The following BPTF variants were observed in gnomAD, a reference collection of about 807,000 sequenced individuals.
The protein encoded by BPTF is bromodomain PHD finger transcription factor, also known as nucleosome-remodeling factor subunit BPTF.
In BPTF, 18 loss-of-function variants were observed where a neutral mutation model predicts 292.5. The ratio of observed to expected loss-of-function variants is 0.06; its 90% CI spans 0.04 to 0.09. BPTF has a LOEUF of 0.09. Ranked by LOEUF, BPTF falls within the 10% of genes least tolerant of loss-of-function variation. The pLI, the probability that BPTF is intolerant of heterozygous loss-of-function variation, is 1.00. For synonymous variants in BPTF, 1,225 were observed against 1,251.9 expected (o/e 0.98, Z 0.45); for missense variants, 2,726 against 3,498.7 (o/e 0.78, Z 5.57).
rs1352751928 is a variant in BPTF at position 67,893,472 on chromosome 17, G to A, written c.2158G>A (p.Gly720Arg). 1.2e-6 allele frequency: 2 copies of A among 1,614,126 alleles called. No individual in the cohort carries two copies. The highest frequency in any genetic ancestry group is 2.2e-5 in the South Asian group (2 of 91,084). Residue 720 changes from glycine to arginine, a missense_variant, in exon 6 of 28, where the codon GGG (glycine) becomes AGG (arginine). Transcript: ENST00000306378. ...INNYFKLGQEGKYRVYHNQYS... is the reference protein window; with the variant it reads ...INNYFKLGQERKYRVYHNQYS... The stretch of plus-strand genomic sequence containing the variant: ...CAATTATTTTAAATTGGGTCAAGAA[G>A]GGAAGTATCGCGTCTACCACAATCA...
intron 9 of BPTF, 54 bp from the exon 10 acceptor site, chr17:67,909,528 A>G (rs2062504740): frequency 1.7e-6 from 2 of 1,154,780 alleles, no homozygotes; most frequent in Non-Finnish European, 2.4e-6. Flanking sequence ...TTGACATATT[A>G]AAGTGCTAAT....
chr17:67,942,260 G>A (rs868996181), intron 19 of BPTF, among the ~76,000 whole-genome samples: 3 of 151,736 alleles, frequency 2.0e-5, no homozygotes, highest in African/African-American at 4.8e-5. Flanking sequence ...AGGTTGCAGC[G>A]AGCCAAGATA....
intron 9 of BPTF, among the ~76,000 whole-genome samples, chr17:67,906,600 C>G (rs140449569): frequency 1.3e-5 from 2 of 152,184 alleles, no homozygotes; most frequent in Admixed American, 1.3e-4. Context: ...TTCTGTGATT[C>G]TTCTCTTACC....
intron 27 of BPTF, chr17:67,981,633 A>G: frequency 9.7e-7 from 1 of 1,027,510 alleles, no homozygotes; most frequent in Non-Finnish European, 1.2e-6. Context: ...CAATGTATTT[A>G]AAAATTGTAA....
chr17:67,872,764 G>T (rs1282419024), intron 3 of BPTF, among the ~76,000 whole-genome samples: 1 of 152,176 alleles, frequency 6.6e-6, no homozygotes, highest in African/African-American at 2.4e-5. Context: ...CAGATAATCG[G>T]TAACTACATT....
At position 67,982,280 on chromosome 17, in the gene BPTF, G is replaced by C; in HGVS notation, c.8755G>C (p.Ala2919Pro). Reference sequence around the variant, plus strand: ...TCATAACAACAAACTGCAGTCTACAGCTTCTTAAAGTTCAGCGTGTTAACC... The same window carrying C: ...TCATAACAACAAACTGCAGTCTACACCTTCTTAAAGTTCAGCGTGTTAACC... ...RSHNNKLQST[A>P]S Residue 2919 changes from alanine (A) to proline (P), a missense_variant, in exon 28 of 28, where the codon GCT becomes CCT. Ala to Pro is a conservative substitution (Grantham distance 27). This residue lies in a region of BPTF where 21 missense variants were observed against 16.1 expected (regional missense o/e 1.30). Coordinates refer to ENST00000306378, the MANE Select transcript of BPTF (RefSeq NM_182641.4). 2.5e-6 allele frequency: 4 copies of C among 1,611,420 alleles called. No homozygotes were observed. Among genetic ancestry groups the C allele is most frequent in the Non-Finnish European group, 3.4e-6 (4 of 1,178,124 alleles).
intron 18 of BPTF, among the ~76,000 whole-genome samples, chr17:67,936,097 A>G (rs1028059658): frequency 3.3e-5 from 5 of 152,166 alleles, no homozygotes; most frequent in African/African-American, 1.2e-4. Context: ...GTAGGAAATA[A>G]TTTTCTTACT....
In BPTF at chr17:67,854,645, C is replaced by G; in HGVS notation, c.1319C>G (p.Pro440Arg). The G allele has an allele frequency of 6.2e-7, 1 of 1,614,186 alleles. No individual in the cohort carries two copies. The highest frequency in any genetic ancestry group is 2.2e-5 in the East Asian group (1 of 44,886). Residue 440 changes from proline (P) to arginine (R), a missense_variant, in exon 2 of 28, where the codon CCT (proline) becomes CGT (arginine). Transcript: ENST00000306378. This position sits in a 1 kb window ranked among gnomAD's most constrained non-coding sequence, Gnocchi z 5.6. ...QCEVCVAHKVPGVTDCVAEIQ... is the reference protein window; with the variant it reads ...QCEVCVAHKVRGVTDCVAEIQ... ...GAAGTCTGTGTAGCACACAAGGTGCCTGGTGTGACTGACTGTGTTGCTGAA... is the reference window on the plus strand; with the variant it reads ...GAAGTCTGTGTAGCACACAAGGTGCGTGGTGTGACTGACTGTGTTGCTGAA...
intron 2 of BPTF, among the ~76,000 whole-genome samples, chr17:67,859,068 A>G (rs2058912969): frequency 6.6e-6 from 1 of 152,194 alleles, no homozygotes. Context: ...TGTCCTAAGC[A>G]TTTTATGTAT....
rs547981853 is a variant in BPTF, at chr17:67,945,525, G to A, written c.6817G>A (p.Ala2273Thr). The change falls in exon 21 of 28, where the codon GCT becomes ACT. Residue 2273 changes from alanine (A) to threonine (T), a missense_variant. By Grantham distance (58) the Ala-to-Thr change is moderately conservative (BLOSUM62 0). Around this residue, in one of 22 missense-constraint regions of BPTF, gnomAD observed 570 missense variants for 633.5 expected, o/e 0.90. Transcript: ENST00000306378. ...VGPAEAQPQT[A>T]QPSAQPQPQT... ...TCCAGCAGAAGCCCAGCCACAGACT[G>A]CTCAGCCTTCAGCTCAGCCCCAGCC... 6.2e-6 allele frequency: 10 copies of A among 1,613,786 alleles called. No homozygotes were observed. In the African/African-American group the frequency reaches 9.3e-5, roughly 15 times the overall value.
At chr17:67,918,592 A>C in intron 11 of BPTF, 122 bp from the exon 12 acceptor site, 1 of 833,320 alleles carries the variant, frequency 1.2e-6, no homozygotes, top group South Asian at 3.0e-5. Flanking sequence ...ACCATATTAT[A>C]AATACTGGAG....
intron 5 of BPTF, 120 bp downstream of exon 5, chr17:67,892,154 TTC>T (rs1464319396): frequency 1.3e-6 from 1 of 789,086 alleles, no homozygotes; most frequent in African/African-American, 1.8e-5. Context: ...GAATTATATT[TTC>T]TCTGTTTCCG....
At chr17:67,954,626 A>G (rs547069875) in intron 23 of BPTF, among the ~76,000 whole-genome samples, 37 of 152,138 alleles carry the variant, frequency 2.4e-4, no homozygotes, top group Non-Finnish European at 4.9e-4. Context: ...TTGTGTCTCT[A>G]TTCCATTGAG....
intron 2 of BPTF, among the ~76,000 whole-genome samples, chr17:67,859,098 A>G (rs915242814): frequency 4.6e-5 from 7 of 151,958 alleles, no homozygotes; most frequent in African/African-American, 1.4e-4. Flanking sequence ...AATCCTCCCA[A>G]CAGCCCAATA....
chr17:67,933,442 G>A (rs374814465), intron 18 of BPTF, among the ~76,000 whole-genome samples: 27 of 151,798 alleles, frequency 1.8e-4, no homozygotes, highest in African/African-American at 5.8e-4. Flanking sequence ...CCTGGAGCAC[G>A]CCTGTAGTCC....
chr17:67,958,466 A>T (rs1312567107), intron 23 of BPTF, among the ~76,000 whole-genome samples: 11 of 152,086 alleles, frequency 7.2e-5, no homozygotes, highest in African/African-American at 2.7e-4. Context: ...TGTGGCTCAC[A>T]CCTGTAATCC....
intron 18 of BPTF, among the ~76,000 whole-genome samples, chr17:67,936,343 A>C (rs892402131): frequency 6.6e-6 from 1 of 152,236 alleles, no homozygotes; most frequent in African/African-American, 2.4e-5. Context: ...TGAGACAGGT[A>C]GCTACTAGGA....
chr17:67,946,194 A>C lies in BPTF; in HGVS notation c.7486A>C (p.Ser2496Arg), dbSNP rs781813250. ...IQNVVTVQAA[S>R]VQEQLQRVQQ... ...GAATGTGGTTACAGTGCAGGCAGCC[A>C]GTGTGCAAGAGCAGTTGCAAAGGGT... Residue 2496 changes from serine (S) to arginine (R), a missense_variant, in exon 21 of 28, where the codon AGT (serine) becomes CGT (arginine). Ser to Arg is a moderately radical substitution (Grantham distance 110, BLOSUM62 -1). Around this residue, in one of 22 missense-constraint regions of BPTF, gnomAD observed 570 missense variants for 633.5 expected, o/e 0.90. Transcript: ENST00000306378. The C allele has an allele frequency of 5.6e-6, 9 of 1,614,140 alleles. No homozygotes were observed.
Position 67,911,542 on chromosome 17 carries a change from C to A in BPTF, c.3658C>A (p.Leu1220Ile). 1 of 1,613,980 alleles carries A rather than the reference C, an allele frequency of 6.2e-7. No individual in the cohort carries two copies. The highest frequency in any genetic ancestry group is 8.5e-7 in the Non-Finnish European group (1 of 1,179,992). Residue 1220 changes from leucine (L) to isoleucine (I), a missense_variant, in exon 11 of 28, where the codon CTA (leucine) becomes ATA (isoleucine). By Grantham distance (5) the Leu-to-Ile change is conservative. Around this residue, in one of 22 missense-constraint regions of BPTF, gnomAD observed 713 missense variants for 714.9 expected, o/e 1.00. Transcript: ENST00000306378. ...GNDFFIDDSK[L>I]ASADDIGTLI... ...TGATTTTTTCATCGATGACTCTAAA[C>A]TAGCCAGTGCAGATGATATTGGTAC...
Sources: allele counts gnomAD v4.1 joint callset (sites outside exome capture counted in the v4.1 genomes callset), GRCh38; gene constraint gnomAD v4.1.1; regional missense constraint gnomAD v4.1.1; non-coding constraint Gnocchi (gnomAD v3.1); transcripts MANE v1.5; gene names NCBI Gene and HGNC (gene_info 2026-07-23, HGNC 2026-07-21).